ASPH: variants seen among roughly 807,000 people sequenced by gnomAD.
The protein encoded by ASPH is aspartate beta-hydroxylase.
A neutral mutation model predicts 118.4 loss-of-function variants in ASPH; 100 were observed. The observed-to-expected ratio is 0.84, with a 90% CI of 0.72 to 1.00. ASPH has a LOEUF of 1.00. ASPH is among the 50% of genes least tolerant of loss of function. The probability of loss-of-function intolerance (pLI) is 0.00; values close to 1 mark genes in which losing one functional copy is unlikely to be tolerated. For missense variants in ASPH, 920 were observed against 919.5 expected (o/e 1.00, Z -0.01); for synonymous variants, 315 against 325.6 (o/e 0.97, Z 0.35).
At chr8:61,551,615 T>C (rs902694582) in intron 20 of ASPH, among the ~76,000 whole-genome samples, 3 of 152,224 alleles carry the variant, frequency 2.0e-5, no homozygotes, top group African/African-American at 7.2e-5. Flanking sequence ...AAGTAACGGC[T>C]GTTTTCATCT....
intron 12 of ASPH, among the ~76,000 whole-genome samples, chr8:61,635,331 G>A (rs1024163302): frequency 1.1e-4 from 16 of 151,962 alleles, no homozygotes; most frequent in African/African-American, 3.4e-4. Flanking sequence ...CCTCTTTATC[G>A]TCTCTCCACT....
chr8:61,523,004 C>T (rs769656185), intron 22 of ASPH, among the ~76,000 whole-genome samples: 3 of 152,130 alleles, frequency 2.0e-5, no homozygotes, highest in Non-Finnish European at 4.4e-5. Flanking sequence ...AGAGACCTAC[C>T]GTAATTTTAC....
In ASPH at chr8:61,516,718, G is replaced by C. The variant is rs148877559; in HGVS notation, c.2126+810C>G. On this transcript the variant is annotated intron_variant, in intron 24 of 24. Transcript: ENST00000379454. ...AAAACTAAATTGGATCTTAGTAATA[G>C]GTTTATTTTGGACAGGTGAAAAGAC... 2.3e-3 allele frequency among the ~76,000 whole-genome samples: 346 copies of C among 152,250 alleles called. 3 individuals are homozygous for C. Among genetic ancestry groups the C allele is most frequent in the African/African-American group, 7.9e-3 (329 of 41,522 alleles).
intron 21 of ASPH, among the ~76,000 whole-genome samples, chr8:61,547,779 T>C (rs1363671672): frequency 6.6e-6 from 1 of 152,106 alleles, no homozygotes; most frequent in Non-Finnish European, 1.5e-5. Flanking sequence ...CTAATGATTA[T>C]ATTGGTAGAT....
At chr8:61,675,773 A>T in intron 3 of ASPH, 2 of 1,154,574 alleles carry the variant, frequency 1.7e-6, no homozygotes, top group Non-Finnish European at 2.1e-6. Flanking sequence ...TAGTTCAGTG[A>T]ATACATGAGT....
At chr8:61,611,516 C>A (rs190602382) in intron 14 of ASPH, among the ~76,000 whole-genome samples, 9 of 152,304 alleles carry the variant, frequency 5.9e-5, no homozygotes, top group Admixed American at 4.6e-4. Context: ...TAAAAATCTA[C>A]CTCCGGAAAG....
rs114620983 is a variant in ASPH at position 61,643,026 on chromosome 8, C to T, written c.758-106G>A. On this transcript the variant is annotated intron_variant, in intron 9 of 24. Transcript: ENST00000379454. Reference sequence around the variant, plus strand: ...ACTTAATCGTAAACACAGAACTCTACTCCTTCAAATATTAATGTCTGCTCA... The same window carrying T: ...ACTTAATCGTAAACACAGAACTCTATTCCTTCAAATATTAATGTCTGCTCA... 2,162 of 1,012,110 alleles carry T rather than the reference C, an allele frequency of 2.1e-3. 41 individuals are homozygous for T. In the African/African-American group the frequency reaches 0.034, roughly 16 times the overall value. 62.7% of individuals were successfully genotyped at this position (1,012,110 alleles called of 1,614,324 possible).
intron 3 of ASPH, chr8:61,663,902 C>G (rs1818189262): frequency 1.1e-6 from 1 of 919,854 alleles, no homozygotes; most frequent in Non-Finnish European, 1.3e-6. Context: ...AATATTTACA[C>G]TTAAACATAC....
intron 24 of ASPH, among the ~76,000 whole-genome samples, chr8:61,507,999 CTT>C (rs760758490): frequency 5.3e-5 from 8 of 152,118 alleles, no homozygotes; most frequent in Non-Finnish European, 1.0e-4. Context: ...TCCTCTCTCT[CTT>C]TCTCTCCTCC....
At chr8:61,708,119 G>C (rs1014775305) in intron 1 of ASPH, among the ~76,000 whole-genome samples, 1 of 152,014 alleles carries the variant, frequency 6.6e-6, no homozygotes, top group Non-Finnish European at 1.5e-5. Flanking sequence ...TCATTTCTTC[G>C]CCTATATGGT....
chr8:61,646,444 T>C (rs896274325), intron 6 of ASPH, among the ~76,000 whole-genome samples: 7 of 152,188 alleles, frequency 4.6e-5, no homozygotes, highest in Non-Finnish European at 5.9e-5. Context: ...ATTTCATCAG[T>C]TGTTTGAATT....
chr8:61,584,451 C>G (rs927070807), intron 14 of ASPH, among the ~76,000 whole-genome samples: 1 of 152,164 alleles, frequency 6.6e-6, no homozygotes, highest in African/African-American at 2.4e-5. Context: ...GAAGGCTCCT[C>G]TCAAGGAAGT....
chr8:61,712,024 AAAATGAAT>A (rs1036237818), intron 1 of ASPH, among the ~76,000 whole-genome samples: 1 of 152,252 alleles, frequency 6.6e-6, no homozygotes, highest in African/African-American at 2.4e-5. Flanking sequence ...CAAGCATGGC[AAAATGAAT>A]AACAAAACCT....
chr8:61,546,396 T>C (rs1363412268), intron 21 of ASPH, among the ~76,000 whole-genome samples: 5 of 152,076 alleles, frequency 3.3e-5, no homozygotes, highest in Non-Finnish European at 1.5e-5. Flanking sequence ...GAATAAAAGA[T>C]AGTAAAGCAG....
chr8:61,704,063 C>T (rs866636733), intron 1 of ASPH, among the ~76,000 whole-genome samples: 41 of 150,396 alleles, frequency 2.7e-4, no homozygotes, highest in African/African-American at 7.0e-4. Flanking sequence ...GGCGTAGTGG[C>T]GGGCGCCTGT....
intron 1 of ASPH, among the ~76,000 whole-genome samples, chr8:61,706,203 A>G (rs1589346893): frequency 6.6e-6 from 1 of 151,618 alleles, no homozygotes; most frequent in East Asian, 1.9e-4. Flanking sequence ...TGAGCAGACC[A>G]CTTGAGCCCA....
chr8:61,590,550 C>CTG (rs5891814), intron 14 of ASPH, among the ~76,000 whole-genome samples: 5,278 of 146,736 alleles, frequency 0.036, 182 homozygotes, highest in African/African-American at 0.095. Context: ...TAATTTAACT[C>CTG]TGTGTGTGTG....
chr8:61,682,692 T>C (rs1828716745), intron 2 of ASPH, among the ~76,000 whole-genome samples: 1 of 152,088 alleles, frequency 6.6e-6, no homozygotes, highest in Admixed American at 6.6e-5. Context: ...GTAATGAAAA[T>C]GAAAAACTTC....
rs370627722 is a variant in ASPH at position 61,684,059 on chromosome 8, A to C, written c.233T>G (p.Val78Gly). 1.9e-6 allele frequency: 3 copies of C among 1,613,686 alleles called. No individual in the cohort carries two copies. Among genetic ancestry groups the C allele is most frequent in the Non-Finnish European group, 2.5e-6 (3 of 1,179,698 alleles). ...CTTACCTAGAACTTCCTCATAGTCA[A>C]CAAGATCAAACCAAACGACAGCTAC... ...TSVAVVWFDLVDYEEVLGKLG... is the reference protein window; with the variant it reads ...TSVAVVWFDLGDYEEVLGKLG... Residue 78 changes from valine (V) to glycine (G), a missense_variant, in exon 2 of 25, where the codon GTT (valine) becomes GGT (glycine). Coordinates refer to ENST00000379454, the MANE Select transcript of ASPH (RefSeq NM_004318.4).
Sources: gnomAD v4.1 joint callset for allele counts (sites outside exome capture counted in the v4.1 genomes callset) on GRCh38, gnomAD v4.1.1 for gene constraint, MANE v1.5 for transcripts, NCBI Gene and HGNC (gene_info 2026-07-23, HGNC 2026-07-21) for gene names.